The following DLG2 variants were observed in gnomAD, a reference collection of about 807,000 sequenced individuals.
The protein encoded by DLG2 is disks large homolog 2.
Under a neutral mutation model 132.5 loss-of-function variants are expected in DLG2, and 45 were observed. That is an observed-to-expected ratio of 0.34 (90% CI 0.27 to 0.44). DLG2 has a LOEUF of 0.44. Ranked by LOEUF, DLG2 falls within the 20% of genes least tolerant of loss-of-function variation. The probability of loss-of-function intolerance (pLI) is 1.00; values close to 1 mark genes in which losing one functional copy is unlikely to be tolerated. For synonymous variants in DLG2, 424 were observed against 419.6 expected (o/e 1.01, Z -0.13); for missense variants, 1,045 against 1,196.9 (o/e 0.87, Z 1.87).
intron 17 of DLG2, among the ~76,000 whole-genome samples, chr11:83,791,763 C>T (rs1223475059): frequency 6.6e-6 from 1 of 152,134 alleles, no homozygotes; most frequent in African/African-American, 2.4e-5. Context: ...GGGAAGAGCC[C>T]GTCTCCGAAG....
chr11:84,051,195 C>T (rs1176925141), intron 11 of DLG2, among the ~76,000 whole-genome samples: 2 of 151,826 alleles, frequency 1.3e-5, no homozygotes, highest in Non-Finnish European at 2.9e-5. Flanking sequence ...ACTAGTTCAA[C>T]CATTGTGGAA....
intron 18 of DLG2, among the ~76,000 whole-genome samples, chr11:83,732,710 T>C (rs915005998): frequency 6.6e-6 from 1 of 152,204 alleles, no homozygotes; most frequent in Non-Finnish European, 1.5e-5. Flanking sequence ...AAAGGAAAGC[T>C]TAATGATTTT....
intron 6 of DLG2, chr11:84,923,156 T>A: frequency 6.2e-7 from 1 of 1,613,186 alleles, no homozygotes; most frequent in Non-Finnish European, 8.5e-7. Context: ...GTATTCAGCT[T>A]CTCAGCACAG....
At chr11:83,529,852 A>G (rs904810400) in intron 21 of DLG2, among the ~76,000 whole-genome samples, 3 of 152,092 alleles carry the variant, frequency 2.0e-5, no homozygotes, top group Admixed American at 2.0e-4. Flanking sequence ...AAGTCCTATA[A>G]TTTACAACCT....
chr11:84,774,814 C>A (rs189244511), intron 6 of DLG2, among the ~76,000 whole-genome samples: 183 of 152,124 alleles, frequency 1.2e-3, no homozygotes, highest in African/African-American at 4.3e-3. Context: ...AAATGTAAGA[C>A]CTTAAACTCT....
chr11:84,803,150 T>C lies in DLG2; in HGVS notation c.358-268419A>G, dbSNP rs572925481. 6.6e-5 allele frequency among the ~76,000 whole-genome samples: 10 copies of C among 152,334 alleles called. No homozygotes were observed. In the South Asian group the frequency reaches 8.3e-4, roughly 13 times the overall value. ...ATGAATCAACTCTTGTCCAACAAAATTGTAAAGATAAAATGAAATATACAT... is the reference window on the plus strand; with the variant it reads ...ATGAATCAACTCTTGTCCAACAAAACTGTAAAGATAAAATGAAATATACAT... On this transcript the variant is annotated intron_variant, in intron 6 of 27. Coordinates refer to ENST00000376104, the MANE Select transcript of DLG2 (RefSeq NM_001142699.3).
At chr11:85,467,613 T>G (rs1442506200) in intron 3 of DLG2, among the ~76,000 whole-genome samples, 1 of 152,214 alleles carries the variant, frequency 6.6e-6, no homozygotes, top group African/African-American at 2.4e-5. Context: ...GGATTACATT[T>G]ATTGATTTGC....
At chr11:83,554,554 C>A (rs1406924203) in intron 19 of DLG2, among the ~76,000 whole-genome samples, 1 of 152,146 alleles carries the variant, frequency 6.6e-6, no homozygotes, top group Non-Finnish European at 1.5e-5. Context: ...TGTTTCAACT[C>A]AACTTTTAAG....
Position 83,593,699 on chromosome 11 carries a change from A to G in DLG2, c.1940+39512T>C, listed in dbSNP as rs550402290. 9.0e-4 allele frequency among the ~76,000 whole-genome samples: 136 copies of G among 151,754 alleles called. 1 individual carries two copies. The South Asian group carries it at 9.0e-3, about 10-fold the overall frequency. On this transcript the variant is annotated intron_variant, in intron 19 of 27. Coordinates refer to ENST00000376104, the MANE Select transcript of DLG2 (RefSeq NM_001142699.3). Reference sequence around the variant, plus strand: ...AAAAAAAAAGAATTTATATAGAGAGATCATTTCTCTCTATAAAAATCATGT... The same window carrying G: ...AAAAAAAAAGAATTTATATAGAGAGGTCATTTCTCTCTATAAAAATCATGT...
intron 18 of DLG2, among the ~76,000 whole-genome samples, chr11:83,638,844 T>C (rs1032733389): frequency 6.6e-6 from 1 of 152,194 alleles, no homozygotes; most frequent in Non-Finnish European, 1.5e-5. Context: ...ATTTCATTCA[T>C]CAGTATTATC....
At chr11:84,659,177 A>G (rs997662923) in intron 6 of DLG2, among the ~76,000 whole-genome samples, 1 of 152,136 alleles carries the variant, frequency 6.6e-6, no homozygotes, top group African/African-American at 2.4e-5. Flanking sequence ...CTAACTGACA[A>G]AAATATCAAG....
chr11:85,608,232 G>A (rs1242460762), intron 2 of DLG2, among the ~76,000 whole-genome samples: 1 of 152,044 alleles, frequency 6.6e-6, no homozygotes, highest in African/African-American at 2.4e-5. Context: ...GAAACACTCA[G>A]GCATCAAAAG....
At chr11:84,721,966 A>G (rs2061888852) in intron 6 of DLG2, among the ~76,000 whole-genome samples, 1 of 152,230 alleles carries the variant, frequency 6.6e-6, no homozygotes, top group African/African-American at 2.4e-5. Context: ...TCAGAGGTAG[A>G]TATTATTTGA....
chr11:85,171,293 C>T (rs1037759071), intron 4 of DLG2, among the ~76,000 whole-genome samples: 6 of 152,078 alleles, frequency 3.9e-5, no homozygotes, highest in African/African-American at 9.7e-5. Flanking sequence ...CAATGGCCCA[C>T]GGAGCAGCAC....
chr11:84,634,507 C>G (rs558186765), intron 6 of DLG2, among the ~76,000 whole-genome samples: 10 of 152,150 alleles, frequency 6.6e-5, no homozygotes, highest in African/African-American at 2.4e-4. Flanking sequence ...TCAAATAAGG[C>G]AAATGCCAAG....
At chr11:85,137,229 T>C (rs1305889603) in intron 5 of DLG2, among the ~76,000 whole-genome samples, 3 of 152,078 alleles carry the variant, frequency 2.0e-5, no homozygotes, top group Non-Finnish European at 4.4e-5. Context: ...CAGTAATAAA[T>C]ATAAGCATGT....
At chr11:84,911,274 C>G (rs983677654) in intron 6 of DLG2, among the ~76,000 whole-genome samples, 1 of 151,868 alleles carries the variant, frequency 6.6e-6, no homozygotes, top group African/African-American at 2.4e-5. Flanking sequence ...AATTCAAAAG[C>G]CTACATGTTG....
At chr11:84,250,200 G>C (rs567564215) in intron 8 of DLG2, among the ~76,000 whole-genome samples, 10 of 152,294 alleles carry the variant, frequency 6.6e-5, no homozygotes, top group African/African-American at 2.2e-4. Context: ...TTTGTAAAAT[G>C]ATCTGGCACC....
chr11:85,412,434 T>C (rs1024209658), intron 3 of DLG2, among the ~76,000 whole-genome samples: 6 of 151,592 alleles, frequency 4.0e-5, no homozygotes, highest in Admixed American at 2.6e-4. Flanking sequence ...ATAAGTTCTT[T>C]AGTCGCGATT....
Sources: gnomAD v4.1 joint callset for allele counts (sites outside exome capture counted in the v4.1 genomes callset) on GRCh38, gnomAD v4.1.1 for gene constraint, MANE v1.5 for transcripts, NCBI Gene and HGNC (gene_info 2026-07-23, HGNC 2026-07-21) for gene names.